Variants in SPATA6 observed in about 807,000 individuals in gnomAD.
SPATA6 encodes the protein spermatogenesis-associated protein 6.
Under a neutral mutation model 65.3 loss-of-function variants are expected in SPATA6, and 56 were observed. That is an observed-to-expected ratio of 0.86 (90% confidence interval 0.69 to 1.07). SPATA6 has a LOEUF of 1.07. Ranked by LOEUF, SPATA6 falls within the 50% of genes least tolerant of loss-of-function variation. The pLI, the probability that SPATA6 is intolerant of heterozygous loss-of-function variation, is 0.00. For synonymous variants in SPATA6, 199 were observed against 213.2 expected (o/e 0.93, Z 0.58); for missense variants, 590 against 594.8 (o/e 0.99, Z 0.08).
rs536001151 is a variant in SPATA6 at position 48,364,009 on chromosome 1, C to T, written c.910-4239G>A. 3.8e-4 allele frequency among the ~76,000 whole-genome samples: 58 copies of T among 151,854 alleles called. No homozygotes were observed. The East Asian group carries it at 0.011, about 29-fold the overall frequency. On this transcript the variant is annotated intron_variant, in intron 9 of 12. Transcript: ENST00000371847. The stretch of plus-strand genomic sequence containing the variant: ...ATGTTCCCCTTCCTGTGTCCATGTG[C>T]TCTCCTTGTTCAATTCCCACCTATG...
intron 8 of SPATA6, among the ~76,000 whole-genome samples, chr1:48,395,013 T>A (rs573349168): frequency 6.6e-6 from 1 of 152,066 alleles, no homozygotes; most frequent in South Asian, 2.1e-4. Context: ...ATATATCACA[T>A]TTTTTAACAT....
At chr1:48,358,186 A>C (rs1300238154) in intron 10 of SPATA6, among the ~76,000 whole-genome samples, 1 of 152,138 alleles carries the variant, frequency 6.6e-6, no homozygotes, top group Admixed American at 6.6e-5. Flanking sequence ...TGACAAATTG[A>C]TCAATCCAGA....
At chr1:48,316,482 T>G (rs565731915) in intron 11 of SPATA6, among the ~76,000 whole-genome samples, 3 of 152,180 alleles carry the variant, frequency 2.0e-5, no homozygotes, top group South Asian at 4.1e-4. Context: ...CTAGCCATAT[T>G]TAGAAAGCTG....
At chr1:48,375,651 G>A (rs1647804929) in intron 9 of SPATA6, among the ~76,000 whole-genome samples, 1 of 152,034 alleles carries the variant, frequency 6.6e-6, no homozygotes. Context: ...CTATTAAAAT[G>A]AGGGCAAAGA....
intron 9 of SPATA6, among the ~76,000 whole-genome samples, chr1:48,369,288 G>A (rs1049427838): frequency 2.6e-5 from 4 of 152,208 alleles, no homozygotes; most frequent in South Asian, 2.1e-4. Flanking sequence ...CTCCAGCTGC[G>A]TGCTGGGAGA....
chr1:48,471,252 G>A (rs909074690), intron 1 of SPATA6, among the ~76,000 whole-genome samples: 1 of 152,164 alleles, frequency 6.6e-6, no homozygotes, highest in African/African-American at 2.4e-5. Context: ...TGAAGGGGTG[G>A]GGTTGCAAGG....
At chr1:48,379,969 T>A (rs1314648964) in intron 9 of SPATA6, among the ~76,000 whole-genome samples, 1 of 152,226 alleles carries the variant, frequency 6.6e-6, no homozygotes, top group Non-Finnish European at 1.5e-5. Flanking sequence ...AATAGATACA[T>A]TAAGTAGCTT....
intron 9 of SPATA6, among the ~76,000 whole-genome samples, chr1:48,377,312 C>T (rs954150886): frequency 2.6e-5 from 4 of 152,156 alleles, no homozygotes; most frequent in African/African-American, 9.7e-5. Flanking sequence ...GATTTAATCC[C>T]TACCTGCTTC....
intron 3 of SPATA6, among the ~76,000 whole-genome samples, chr1:48,431,908 C>G (rs1439420746): frequency 1.3e-5 from 2 of 151,978 alleles, no homozygotes; most frequent in Non-Finnish European, 2.9e-5. Context: ...TTCACGAGCT[C>G]GAGACAGCCT....
chr1:48,274,951 T>C, the SPATA6 span, among the ~76,000 whole-genome samples: 207 of 152,338 alleles, frequency 1.4e-3, no homozygotes, highest in Non-Finnish European at 2.6e-3. Context: ...TTTTACTATA[T>C]TGATTCTTCC....
At chr1:48,411,651 T>C (rs1652246865) in intron 4 of SPATA6, 63 bp from the exon 5 acceptor site, 1 of 1,375,944 alleles carries the variant, frequency 7.3e-7, no homozygotes, top group East Asian at 2.8e-5. Flanking sequence ...AACAAAATCA[T>C]CAAGTATGAT....
Position 48,310,223 on chromosome 1 carries a change from G to A in SPATA6, c.1195-4345C>T, listed in dbSNP as rs577236086. On this transcript the variant is annotated intron_variant, in intron 11 of 12. Coordinates refer to ENST00000371847, the MANE Select transcript of SPATA6 (RefSeq NM_019073.4). ...AAATGCCCTCCAGGGCAAAGATTTT[G>A]CACTGGGAAAGCTCTCACTCAAAGT... Among the ~76,000 whole-genome samples, 13 of 152,336 alleles carry A rather than the reference G, an allele frequency of 8.5e-5. No homozygotes were observed. In the South Asian group the frequency reaches 2.3e-3, roughly 27 times the overall value.
intron 12 of SPATA6, among the ~76,000 whole-genome samples, chr1:48,300,471 A>C (rs972599620): frequency 6.6e-6 from 1 of 152,174 alleles, no homozygotes; most frequent in African/African-American, 2.4e-5. Flanking sequence ...CTCTGGCTTC[A>C]CTGCTGAATT....
At chr1:48,363,420 C>T (rs1646879553) in intron 9 of SPATA6, among the ~76,000 whole-genome samples, 1 of 152,094 alleles carries the variant, frequency 6.6e-6, no homozygotes, top group South Asian at 2.1e-4. Flanking sequence ...GTTTATGAGA[C>T]CCTGAGCAAG....
rs537471977 is a variant in SPATA6, at chr1:48,359,604, C to G, written c.1076G>C (p.Arg359Thr). ...TAATTACCTTTCCCTGAGAGAAGCTCTATTTAACACAGGGCTTGGAGAATG... is the reference window on the plus strand; with the variant it reads ...TAATTACCTTTCCCTGAGAGAAGCTGTATTTAACACAGGGCTTGGAGAATG... The part of the protein sequence containing the change: ...PKHSPSPVLN[R>T]ASLRERFHSD... Residue 359 changes from arginine (R) to threonine (T), a missense_variant, in exon 10 of 13, where the codon AGA becomes ACA. Transcript: ENST00000371847. 1 of 1,612,900 alleles carries G rather than the reference C, an allele frequency of 6.2e-7. No homozygotes were observed. Among genetic ancestry groups the G allele is most frequent in the Admixed American group, 1.7e-5 (1 of 59,962 alleles).
chr1:48,273,388 A>C, the SPATA6 span, among the ~76,000 whole-genome samples: 1 of 152,100 alleles, frequency 6.6e-6, no homozygotes, highest in Non-Finnish European at 1.5e-5. Flanking sequence ...ACATGTGTAG[A>C]ATGTGCAGGT....
intron 9 of SPATA6, among the ~76,000 whole-genome samples, chr1:48,376,440 A>G (rs1050319220): frequency 6.6e-6 from 1 of 152,084 alleles, no homozygotes; most frequent in African/African-American, 2.4e-5. Context: ...GAGTTGTGAA[A>G]ATCAGAAATC....
the SPATA6 span, among the ~76,000 whole-genome samples, chr1:48,268,340 G>A: frequency 4.0e-5 from 6 of 151,630 alleles, no homozygotes; most frequent in Non-Finnish European, 8.8e-5. Flanking sequence ...GTGTTTGTGT[G>A]TGTGTATCTA....
chr1:48,278,144 A>T, the SPATA6 span, among the ~76,000 whole-genome samples: 11,786 of 152,250 alleles, frequency 0.077, 618 homozygotes, highest in East Asian at 0.23. Context: ...AGGAAAACTA[A>T]CAAACAGAAA....
Sources: allele counts gnomAD v4.1 joint callset (sites outside exome capture counted in the v4.1 genomes callset), GRCh38; gene constraint gnomAD v4.1.1; transcripts MANE v1.5; gene names NCBI Gene and HGNC (gene_info 2026-07-23, HGNC 2026-07-21).